The following CDKAL1 variants were observed in gnomAD, a reference collection of about 807,000 sequenced individuals.
CDKAL1 encodes CDKAL1 threonylcarbamoyladenosine tRNA methylthiotransferase, also known as threonylcarbamoyladenosine tRNA methylthiotransferase.
In CDKAL1, 32 loss-of-function variants were observed where a neutral mutation model predicts 68.2. The observed-to-expected ratio is 0.47, with a 90% CI of 0.35 to 0.63. The LOEUF (loss-of-function observed/expected upper bound fraction) is 0.63. CDKAL1 is among the 30% of genes least tolerant of loss of function. The pLI is 0.00. For missense variants in CDKAL1, 606 were observed against 696.7 expected, an observed-to-expected ratio of 0.87 and a Z score of 1.47; for synonymous variants, 234 against 244.3, an observed-to-expected ratio of 0.96 and a Z score of 0.39.
intron 15 of CDKAL1, among the ~76,000 whole-genome samples, chr6:21,206,927 TTC>T (rs747535643): frequency 1.2e-3 from 171 of 139,322 alleles, no homozygotes; most frequent in African/African-American, 4.0e-3. Context: ...TTACTTTAAT[TTC>T]TTTTTTTTTT....
chr6:21,145,361 C>A (rs1776114567), intron 13 of CDKAL1, among the ~76,000 whole-genome samples: 2 of 152,124 alleles, frequency 1.3e-5, no homozygotes, highest in South Asian at 4.1e-4. Flanking sequence ...ATTCCAAAAG[C>A]TTTGTAACAG....
chr6:20,658,934 C>T (rs1010671913), intron 5 of CDKAL1, among the ~76,000 whole-genome samples: 2 of 152,140 alleles, frequency 1.3e-5, no homozygotes, highest in African/African-American at 4.8e-5. Flanking sequence ...ACCATCTCAG[C>T]CTCATGAGTA....
chr6:20,998,967 GGCATGGTTGATCC>G lies in CDKAL1; in HGVS notation c.910-1258_910-1246del, dbSNP rs201242617. Among the ~76,000 whole-genome samples, 421 of 152,292 alleles carry G rather than the reference GGCATGGTTGATCC, an allele frequency of 2.8e-3. 4 individuals are homozygous for G. The highest frequency in any genetic ancestry group is 8.9e-3 in the African/African-American group (371 of 41,564). On this transcript the variant is annotated intron_variant, in intron 10 of 15. Transcript: ENST00000274695. ...ATGAAAAGAAAATGGAGAAACACAG[GGCATGGTTGATCC>G]GTATGCATGACTAACTCTTGAAGAG...
chr6:20,758,228 T>A (rs1774310597), intron 6 of CDKAL1, among the ~76,000 whole-genome samples: 1 of 152,204 alleles, frequency 6.6e-6, no homozygotes, highest in African/African-American at 2.4e-5. Context: ...GTGTAGCTTG[T>A]CGTTTTATGC....
At chr6:21,016,759 T>A (rs1156610382) in intron 11 of CDKAL1, among the ~76,000 whole-genome samples, 1 of 152,068 alleles carries the variant, frequency 6.6e-6, no homozygotes, top group Non-Finnish European at 1.5e-5. Context: ...CCACCCAATC[T>A]ACTCTGGCAC....
intron 4 of CDKAL1, among the ~76,000 whole-genome samples, chr6:20,601,674 G>A (rs971783621): frequency 2.6e-5 from 4 of 152,232 alleles, no homozygotes; most frequent in East Asian, 1.9e-4. Flanking sequence ...TTAAAAATCC[G>A]TGTATGATTA....
At chr6:21,208,864 T>G (rs1479802567) in intron 15 of CDKAL1, among the ~76,000 whole-genome samples, 3 of 152,220 alleles carry the variant, frequency 2.0e-5, no homozygotes, top group Non-Finnish European at 2.9e-5. Flanking sequence ...CACTTCACAC[T>G]GTGTTTAGTG....
intron 9 of CDKAL1, among the ~76,000 whole-genome samples, chr6:20,899,251 G>C (rs553142177): frequency 6.6e-6 from 1 of 151,780 alleles, no homozygotes; most frequent in Non-Finnish European, 1.5e-5. Context: ...TTTTAGTAGA[G>C]ACGGGGTTTC....
chr6:20,873,385 A>G (rs1238302261), intron 9 of CDKAL1, among the ~76,000 whole-genome samples: 2 of 152,206 alleles, frequency 1.3e-5, no homozygotes, highest in Non-Finnish European at 2.9e-5. Flanking sequence ...GATGCAGATA[A>G]TAAATAATGA....
At chr6:21,208,676 CAATT>C (rs915318175) in intron 15 of CDKAL1, among the ~76,000 whole-genome samples, 2 of 152,070 alleles carry the variant, frequency 1.3e-5, no homozygotes, top group African/African-American at 4.8e-5. Flanking sequence ...ACGTCACAAA[CAATT>C]AAAACCATAG....
At chr6:20,886,724 CA>C (rs1722362364) in intron 9 of CDKAL1, among the ~76,000 whole-genome samples, 1 of 151,952 alleles carries the variant, frequency 6.6e-6, no homozygotes, top group Non-Finnish European at 1.5e-5. Flanking sequence ...TAGAGGTTAC[CA>C]GGGAAAGGGT....
intron 12 of CDKAL1, among the ~76,000 whole-genome samples, chr6:21,087,511 A>G (rs1389139200): frequency 5.3e-5 from 8 of 152,048 alleles, no homozygotes; most frequent in South Asian, 2.1e-4. Flanking sequence ...AGGTCTTTTT[A>G]TTTGCCAAGT....
At position 21,069,467 on chromosome 6, in the gene CDKAL1, TATTAA is replaced by T. The variant is rs1277501868; in HGVS notation, c.1236+4245_1236+4249del. Among the ~76,000 whole-genome samples the T allele has an allele frequency of 3.9e-5, 6 of 152,308 alleles. No individual in the cohort carries two copies. In the East Asian group the frequency reaches 1.2e-3, roughly 29 times the overall value. On this transcript the variant is annotated intron_variant, in intron 12 of 15. Coordinates refer to ENST00000274695, the MANE Select transcript of CDKAL1 (RefSeq NM_017774.3). ...TAACCTACATTGAATGGTTTTCAAA[TATTAA>T]ATTAACCTTGCATTCCTGTAATAAG...
intron 5 of CDKAL1, among the ~76,000 whole-genome samples, chr6:20,682,076 C>A (rs781296002): frequency 2.0e-5 from 3 of 152,138 alleles, no homozygotes; most frequent in Non-Finnish European, 2.9e-5. Context: ...AGGGTCCCAC[C>A]CTCATGACCT....
chr6:20,666,295 G>T (rs1224483262), intron 5 of CDKAL1, among the ~76,000 whole-genome samples: 2 of 149,704 alleles, frequency 1.3e-5, no homozygotes, highest in Non-Finnish European at 1.5e-5. Context: ...TTCCCAGTAG[G>T]CCCAGTGCTC....
intron 5 of CDKAL1, among the ~76,000 whole-genome samples, chr6:20,733,477 C>T (rs949566021): frequency 1.3e-5 from 2 of 152,158 alleles, no homozygotes; most frequent in Admixed American, 6.5e-5. Flanking sequence ...CACCATGACA[C>T]CCGGCTATTT....
intron 10 of CDKAL1, among the ~76,000 whole-genome samples, chr6:20,991,706 CAAAAAAAAAAAAAAA>C (rs35504365): frequency 1.7e-5 from 1 of 59,620 alleles, no homozygotes. Context: ...TATTCCCTCT[CAAAAAAAAAAAAAAA>C]AAAAAAAAAA....
chr6:20,815,523 C>G (rs962629379), intron 8 of CDKAL1, among the ~76,000 whole-genome samples: 3 of 150,898 alleles, frequency 2.0e-5, no homozygotes, highest in African/African-American at 7.3e-5. Context: ...AATAAACTTT[C>G]TCTTTTTTGA....
At position 20,955,383 on chromosome 6, in the gene CDKAL1, G is replaced by T. The variant is rs766437587; in HGVS notation, c.743-36G>T. ...GCTGTATGATGAAGGAAACAGCTCT[G>T]CCACAGATTTGTTAATTATCTCTTT... On this transcript the variant is annotated intron_variant, in intron 9 of 15. Coordinates refer to ENST00000274695, the MANE Select transcript of CDKAL1 (RefSeq NM_017774.3). The T allele has an allele frequency of 3.1e-6, 5 of 1,607,976 alleles. No individual in the cohort carries two copies. The South Asian group carries it at 5.5e-5, about 18-fold the overall frequency.
Sources: gnomAD v4.1 joint callset for allele counts (sites outside exome capture counted in the v4.1 genomes callset) on GRCh38, gnomAD v4.1.1 for gene constraint, MANE v1.5 for transcripts, NCBI Gene and HGNC (gene_info 2026-07-23, HGNC 2026-07-21) for gene names.